NXPE2: variants seen among roughly 807,000 people sequenced by gnomAD.
The protein encoded by NXPE2 is neurexophilin and PC-esterase domain family member 2, also known as NXPE family member 2.
NXPE2 carries 34 observed loss-of-function variants against 34.4 expected under a neutral mutation model. The ratio of observed to expected loss-of-function variants is 0.99; its 90% CI spans 0.75 to 1.31. The LOEUF is 1.31. NXPE2 is among the 40% of genes most tolerant of loss of function. NXPE2 has a pLI of 0.00. For synonymous variants in NXPE2, 235 were observed against 231.3 expected (o/e 1.02, Z -0.15); for missense variants, 649 against 672.5 (o/e 0.97, Z 0.39).
At chr11:114,653,533 C>CTT in the NXPE2 span, among the ~76,000 whole-genome samples, 52 of 103,504 alleles carry the variant, frequency 5.0e-4, no homozygotes, top group African/African-American at 1.4e-3. Flanking sequence ...CCTGCTTTCC[C>CTT]TTTTTTTTTT....
the NXPE2 span, among the ~76,000 whole-genome samples, chr11:114,594,065 A>G: frequency 8.5e-5 from 13 of 152,212 alleles, no homozygotes; most frequent in African/African-American, 2.9e-4. Flanking sequence ...GGGTTAGTTA[A>G]TGAGTACAAA....
the NXPE2 span, among the ~76,000 whole-genome samples, chr11:114,566,723 G>A: frequency 6.6e-6 from 1 of 151,808 alleles, no homozygotes; most frequent in Non-Finnish European, 1.5e-5. Flanking sequence ...CTCTATCTCT[G>A]TATATATAGA....
At chr11:114,787,204 G>T in the NXPE2 span, among the ~76,000 whole-genome samples, 1 of 152,174 alleles carries the variant, frequency 6.6e-6, no homozygotes, top group Admixed American at 6.5e-5. Flanking sequence ...AAAAGAAAGG[G>T]AAAGTGGGGA....
chr11:114,808,177 G>GGGACACATTCAAAGCAGTGTGTA, the NXPE2 span, among the ~76,000 whole-genome samples: 1 of 152,178 alleles, frequency 6.6e-6, no homozygotes, highest in Non-Finnish European at 1.5e-5. Context: ...CAGAATCTCT[G>GGGACACATTCAAAGCAGTGTGTA]GGACACATTC....
the NXPE2 span, among the ~76,000 whole-genome samples, chr11:114,738,621 G>T: frequency 6.6e-6 from 1 of 152,174 alleles, no homozygotes; most frequent in African/African-American, 2.4e-5. Context: ...GAAAGTAAAA[G>T]TCTCTAACTC....
At chr11:114,653,380 CA>C in the NXPE2 span, among the ~76,000 whole-genome samples, 4 of 152,118 alleles carry the variant, frequency 2.6e-5, no homozygotes, top group Non-Finnish European at 5.9e-5. Flanking sequence ...GTTGTATAGA[CA>C]ATAAACCATC....
At chr11:114,601,894 T>C in the NXPE2 span, among the ~76,000 whole-genome samples, 1 of 41,538 alleles carries the variant, frequency 2.4e-5, no homozygotes, top group African/African-American at 6.7e-5. Context: ...TTATATATTA[T>C]ATTTATATAT....
the NXPE2 span, among the ~76,000 whole-genome samples, chr11:114,517,419 A>T: frequency 5.6e-3 from 857 of 152,268 alleles, 7 homozygotes; most frequent in African/African-American, 0.019. Flanking sequence ...ATAGATGATC[A>T]TGGTGCTACT....
the NXPE2 span, among the ~76,000 whole-genome samples, chr11:114,536,834 G>C: frequency 4.6e-5 from 7 of 152,140 alleles, no homozygotes; most frequent in African/African-American, 1.7e-4. Context: ...TGGATTCACA[G>C]CCGAATTCTA....
the NXPE2 span, among the ~76,000 whole-genome samples, chr11:114,764,119 C>T: frequency 6.6e-6 from 1 of 152,136 alleles, no homozygotes; most frequent in African/African-American, 2.4e-5. Flanking sequence ...AATCAGGCTA[C>T]TCGAACTCTT....
At chr11:114,561,399 A>G in the NXPE2 span, among the ~76,000 whole-genome samples, 1 of 152,202 alleles carries the variant, frequency 6.6e-6, no homozygotes, top group Non-Finnish European at 1.5e-5. Flanking sequence ...TCATATGAAC[A>G]TATTGCCTCA....
At chr11:114,520,833 G>A in the NXPE2 span, among the ~76,000 whole-genome samples, 1 of 152,012 alleles carries the variant, frequency 6.6e-6, no homozygotes, top group Non-Finnish European at 1.5e-5. Flanking sequence ...TACAGATCTC[G>A]CTCCTTCATA....
At chr11:114,609,890 G>A in the NXPE2 span, among the ~76,000 whole-genome samples, 1 of 151,964 alleles carries the variant, frequency 6.6e-6, no homozygotes, top group East Asian at 1.9e-4. Context: ...TGGATAATAA[G>A]TGTTGCCTCC....
the NXPE2 span, among the ~76,000 whole-genome samples, chr11:114,652,288 C>T: frequency 6.6e-6 from 1 of 152,100 alleles, no homozygotes; most frequent in Non-Finnish European, 1.5e-5. Flanking sequence ...GAAATGATGC[C>T]CTTAAGGCAT....
At chr11:114,714,182 C>T in the NXPE2 span, among the ~76,000 whole-genome samples, 1 of 152,108 alleles carries the variant, frequency 6.6e-6, no homozygotes, top group South Asian at 2.1e-4. Flanking sequence ...AAGCTTCTTG[C>T]CAGTGCTTTG....
At chr11:114,699,792 ATTCAT>A (rs1299864697) in intron 3 of NXPE2, among the ~76,000 whole-genome samples, 7 of 102,902 alleles carry the variant, frequency 6.8e-5, no homozygotes, top group Non-Finnish European at 9.1e-5. Flanking sequence ...TTCACCATTC[ATTCAT>A]TTTTTTTTTT....
chr11:114,599,608 G>T, the NXPE2 span, among the ~76,000 whole-genome samples: 1 of 152,172 alleles, frequency 6.6e-6, no homozygotes. Context: ...GAGCATGGTA[G>T]CTTCTGCTTC....
At chr11:114,521,384 A>G in the NXPE2 span, among the ~76,000 whole-genome samples, 1 of 152,166 alleles carries the variant, frequency 6.6e-6, no homozygotes, top group Non-Finnish European at 1.5e-5. Context: ...TCTATGGCCA[A>G]TGAAGAGACT....
the NXPE2 span, chr11:114,584,281 C>T: frequency 3.9e-6 from 2 of 506,596 alleles, no homozygotes; most frequent in Non-Finnish European, 8.0e-6. Context: ...ATATTTCAAG[C>T]CCTACATCAG....
Sources: allele counts gnomAD v4.1 joint callset (sites outside exome capture counted in the v4.1 genomes callset), GRCh38; gene constraint gnomAD v4.1.1; transcripts MANE v1.5; gene names NCBI Gene and HGNC (gene_info 2026-07-23, HGNC 2026-07-21).